The following PHOX2B variants were observed in gnomAD, a reference collection of about 807,000 sequenced individuals.
PHOX2B encodes the protein paired like homeobox 2B.
A neutral mutation model predicts 15.5 loss-of-function variants in PHOX2B; 1 was observed. The ratio of observed to expected loss-of-function variants is 0.06; its 90% CI spans 0.02 to 0.31. The LOEUF (loss-of-function observed/expected upper bound fraction) is 0.31. PHOX2B is among the 10% of genes least tolerant of loss of function. The pLI is 1.00. For missense variants in PHOX2B, 314 were observed against 436.4 expected, an observed-to-expected ratio of 0.72 and a Z score of 2.50; for synonymous variants, 206 against 190.5, an observed-to-expected ratio of 1.08 and a Z score of -0.67.
intron 1 of PHOX2B, 43 bp from the exon 2 acceptor site, chr4:41,747,579 G>A (rs770997568): frequency 1.9e-6 from 3 of 1,541,468 alleles, no homozygotes; most frequent in South Asian, 2.2e-5. Context: ...AAATCAGCCG[G>A]CAGCTCGCCG....
In PHOX2B at chr4:41,745,695, G is replaced by T. The variant is rs1458350810; in HGVS notation, c.*112C>A. ...ATTACTTTAGGCCCTCAATGAAAAA[G>T]CCATGGCAGCAGCGACGACAATAGC... is the stretch of plus-strand genomic sequence containing the variant. On this transcript the variant is annotated 3_prime_UTR_variant, in exon 3 of 3. Transcript: ENST00000226382. The surrounding 1 kb of genome is among the most constrained non-coding windows in gnomAD (Gnocchi z 4.0). 1.5e-6 allele frequency: 2 copies of T among 1,370,420 alleles called. No homozygotes were observed. The highest frequency in any genetic ancestry group is 1.5e-5 in the African/African-American group (1 of 67,944). The allele number at this position is 1,370,420 out of a possible 1,614,324, so 84.9% of individuals were successfully genotyped here. A position where few individuals can be genotyped will look rare whatever the true frequency, so the allele number is the denominator to read the frequency against.
Position 41,745,330 on chromosome 4 carries a change from A to T in PHOX2B, c.*477T>A, listed in dbSNP as rs1486630973. The T allele has an allele frequency of 4.3e-6, 1 of 233,518 alleles. No homozygotes were observed. Among genetic ancestry groups the T allele is most frequent in the African/African-American group, 2.2e-5 (1 of 45,094 alleles). 14.5% of individuals were successfully genotyped at this position (233,518 alleles called of 1,614,324 possible). A position where few individuals can be genotyped will look rare whatever the true frequency, so the allele number is the denominator to read the frequency against. On this transcript the variant is annotated 3_prime_UTR_variant, in exon 3 of 3. Transcript: ENST00000226382. The surrounding 1 kb of genome is among the most constrained non-coding windows in gnomAD (Gnocchi z 4.0). ...GTTTTTTAATGGTTTCTGCCTTCCA[A>T]CTTTTTTGTTTTTATTTTTACTTTT...
chr4:41,746,464 C>T, intron 2 of PHOX2B, 142 bp from the exon 3 acceptor site: 1 of 779,746 alleles, frequency 1.3e-6, no homozygotes, highest in Non-Finnish European at 2.1e-6. Context: ...CACCCCCGCG[C>T]GCACATCCAC....
chr4:41,744,969 T>G lies in PHOX2B; in HGVS notation c.*838A>C, dbSNP rs367652707. 2 of 233,082 alleles carry G rather than the reference T, an allele frequency of 8.6e-6. No individual in the cohort carries two copies. Among genetic ancestry groups the G allele is most frequent in the Non-Finnish European group, 1.7e-5 (2 of 118,088 alleles). The allele number at this position is 233,082 out of a possible 1,614,324, so 14.4% of individuals were successfully genotyped here. A position where few individuals can be genotyped will look rare whatever the true frequency, so the allele number is the denominator to read the frequency against. ...GATTCGGGGTTGGGAGTTGCAACTG[T>G]GTGGGGTTCCGATGCGCTAATGGCG... On this transcript the variant is annotated 3_prime_UTR_variant, in exon 3 of 3. Coordinates refer to ENST00000226382, the MANE Select transcript of PHOX2B (RefSeq NM_003924.4).
chr4:41,747,796 A>T, intron 1 of PHOX2B: 1 of 664,872 alleles, frequency 1.5e-6, no homozygotes, highest in Non-Finnish European at 2.8e-6. Flanking sequence ...GATGTGACGG[A>T]CTTGAGATAG....
Position 41,744,903 on chromosome 4 carries a change from T to A in PHOX2B, c.*904A>T, listed in dbSNP as rs1733834927. 1 of 233,302 alleles carries A rather than the reference T, an allele frequency of 4.3e-6. No individual in the cohort carries two copies. The highest frequency in any genetic ancestry group is 8.5e-6 in the Non-Finnish European group (1 of 118,048). 14.5% of individuals were successfully genotyped at this position (233,302 alleles called of 1,614,324 possible). A position where few individuals can be genotyped will look rare whatever the true frequency, so the allele number is the denominator to read the frequency against. On this transcript the variant is annotated 3_prime_UTR_variant, in exon 3 of 3. Coordinates refer to ENST00000226382, the MANE Select transcript of PHOX2B (RefSeq NM_003924.4). ...TGCAGAGTTTGCAGATGAAAAGGCA[T>A]CTCATGGATAGGGCATCTTTCAGGG...
Position 41,744,997 on chromosome 4 carries a change from A to T in PHOX2B, c.*810T>A, listed in dbSNP as rs1291150588. ...GGGGTTCCGATGCGCTAATGGCGGG[A>T]TGGTGTTCAGCGAGGTGGGACAGGC... On this transcript the variant is annotated 3_prime_UTR_variant, in exon 3 of 3. Transcript: ENST00000226382. The T allele has an allele frequency of 4.3e-6, 1 of 232,886 alleles. No individual in the cohort carries two copies. The highest frequency in any genetic ancestry group is 5.6e-5 in the Admixed American group (1 of 17,766). The allele number at this position is 232,886 out of a possible 1,614,324, so 14.4% of individuals were successfully genotyped here.
rs770841700 is a variant in PHOX2B at position 41,745,788 on chromosome 4, G to T, written c.*19C>A. The T allele has an allele frequency of 1.5e-4, 241 of 1,597,770 alleles. No homozygotes were observed. The highest frequency in any genetic ancestry group is 3.4e-4 in the Middle Eastern group (2 of 5,900). ...CTCGCCCGCTGTCGCCGCCGCCGCC[G>T]CCGCCGCAGGATTCCAGATCAGAAC... is the stretch of plus-strand genomic sequence containing the variant. On this transcript the variant is annotated 3_prime_UTR_variant, in exon 3 of 3. Coordinates refer to ENST00000226382, the MANE Select transcript of PHOX2B (RefSeq NM_003924.4). The surrounding 1 kb of genome is among the most constrained non-coding windows in gnomAD (Gnocchi z 4.0).
rs994949118 is a variant in PHOX2B, at chr4:41,745,593, T to C, written c.*214A>G. On this transcript the variant is annotated 3_prime_UTR_variant, in exon 3 of 3. Coordinates refer to ENST00000226382, the MANE Select transcript of PHOX2B (RefSeq NM_003924.4). This position sits in a 1 kb window ranked among gnomAD's most constrained non-coding sequence, Gnocchi z 4.0. ...GCGAAGCCAGGGAAGTTTGTTTGTTTTGTTTGGGGGTTGAGGAAGGGGGTA... is the reference window on the plus strand; with the variant it reads ...GCGAAGCCAGGGAAGTTTGTTTGTTCTGTTTGGGGGTTGAGGAAGGGGGTA... 455 of 539,690 alleles carry C rather than the reference T, an allele frequency of 8.4e-4. 4 individuals are homozygous for C. Among genetic ancestry groups the C allele is most frequent in the Non-Finnish European group, 2.1e-4 (67 of 321,748 alleles). 33.4% of individuals were successfully genotyped at this position (539,690 alleles called of 1,614,324 possible).
rs763708823 is a variant in PHOX2B at position 41,745,518 on chromosome 4, C to A, written c.*289G>T. On this transcript the variant is annotated 3_prime_UTR_variant, in exon 3 of 3. Transcript: ENST00000226382. This position sits in a 1 kb window ranked among gnomAD's most constrained non-coding sequence, Gnocchi z 4.0. ...GCGTCCAGGCCGCGCTGCTCACAACCCCCGATCAGCAGGCGGAGCCCTGGC... is the reference window on the plus strand; with the variant it reads ...GCGTCCAGGCCGCGCTGCTCACAACACCCGATCAGCAGGCGGAGCCCTGGC... 2.8e-4 allele frequency: 113 copies of A among 402,452 alleles called. No homozygotes were observed. Among genetic ancestry groups the A allele is most frequent in the Non-Finnish European group, 4.1e-4 (91 of 221,078 alleles). 24.9% of individuals were successfully genotyped at this position (402,452 alleles called of 1,614,324 possible).
At chr4:41,746,524 G>A (rs972692128) in intron 2 of PHOX2B, among the ~76,000 whole-genome samples, 17 of 152,064 alleles carry the variant, frequency 1.1e-4, no homozygotes, top group Non-Finnish European at 1.0e-4. Context: ...ACTTTCTTAG[G>A]GGGAGTGAGC....
rs551983206 is a variant in PHOX2B, at chr4:41,747,534, G to A, written c.244C>T (p.Pro82Ser). 6.2e-7 allele frequency: 1 copy of A among 1,606,142 alleles called. No individual in the cohort carries two copies. The highest frequency in any genetic ancestry group is 1.3e-5 in the African/African-American group (1 of 75,034). The change falls in exon 2 of 3, where the codon CCT becomes TCT. Residue 82 changes from proline (P) to serine (S), a missense_variant and splice_region_variant. By Grantham distance (74) the Pro-to-Ser change is moderately conservative. Transcript: ENST00000226382. ...CCGTGGTCCGTGAAGAGTTTGTAAG[G>A]AACTAGAGTATGACAGAGGAGACAG... ...DHQSSPYAAVPYKLFTDHGGL... is the reference protein window; with the variant it reads ...DHQSSPYAAVSYKLFTDHGGL...
chr4:41,746,419 C>T, intron 2 of PHOX2B, 97 bp from the exon 3 acceptor site: 1 of 1,189,064 alleles, frequency 8.4e-7, no homozygotes, highest in African/African-American at 1.5e-5. Context: ...TCTACTTCGG[C>T]TTGTTTTAAC....
Position 41,744,543 on chromosome 4 carries a change from C to T in PHOX2B, c.*1264G>A, listed in dbSNP as rs1733824569. 1 of 233,124 alleles carries T rather than the reference C, an allele frequency of 4.3e-6. No individual in the cohort carries two copies. The highest frequency in any genetic ancestry group is 8.5e-6 in the Non-Finnish European group (1 of 117,766). The allele number at this position is 233,124 out of a possible 1,614,324, so 14.4% of individuals were successfully genotyped here. ...ATTCAACTAATATCTAGAGTTTGTG[C>T]CTTTTAAAATAAAAACAACAACAAA... On this transcript the variant is annotated 3_prime_UTR_variant, in exon 3 of 3. Coordinates refer to ENST00000226382, the MANE Select transcript of PHOX2B (RefSeq NM_003924.4).
chr4:41,747,442 C>A lies in PHOX2B; in HGVS notation c.336G>T (p.Glu112Asp). Residue 112 changes from glutamate to aspartate, a missense_variant, in exon 2 of 3, where the codon GAG (glutamate) becomes GAT (aspartate). Physicochemically the swap from Glu to Asp is conservative, Grantham distance 45. This residue lies in a region of PHOX2B where 102 missense variants were observed against 155.1 expected (regional missense o/e 0.66). Coordinates refer to ENST00000226382, the MANE Select transcript of PHOX2B (RefSeq NM_003924.4). ...RTTFTSAQLKELERVFAETHY... is the reference protein window; with the variant it reads ...RTTFTSAQLKDLERVFAETHY... ...GAGTCTCCGCGAAGACCCTTTCCAG[C>A]TCTTTGAGCTGGGCACTGGTGAAAG... The A allele has an allele frequency of 6.2e-7, 1 of 1,611,528 alleles. No homozygotes were observed. The highest frequency in any genetic ancestry group is 8.5e-7 in the Non-Finnish European group (1 of 1,179,862).
chr4:41,745,184 G>A lies in PHOX2B; in HGVS notation c.*623C>T, dbSNP rs932600833. 3 of 233,066 alleles carry A rather than the reference G, an allele frequency of 1.3e-5. No individual in the cohort carries two copies. Among genetic ancestry groups the A allele is most frequent in the South Asian group, 1.8e-4 (1 of 5,530 alleles). 14.4% of individuals were successfully genotyped at this position (233,066 alleles called of 1,614,324 possible). A position where few individuals can be genotyped will look rare whatever the true frequency, so the allele number is the denominator to read the frequency against. ...AGAATCCGTGCTGTTAGGAGGGAGC[G>A]GATTTAGGGGTTCACAAGATCGAGC... On this transcript the variant is annotated 3_prime_UTR_variant, in exon 3 of 3. Coordinates refer to ENST00000226382, the MANE Select transcript of PHOX2B (RefSeq NM_003924.4). This position sits in a 1 kb window ranked among gnomAD's most constrained non-coding sequence, Gnocchi z 4.0.
chr4:41,744,829 A>C lies in PHOX2B; in HGVS notation c.*978T>G, dbSNP rs1733831050. 2.1e-5 allele frequency: 5 copies of C among 233,806 alleles called. No homozygotes were observed. The East Asian group carries it at 3.0e-4, about 14-fold the overall frequency. The allele number at this position is 233,806 out of a possible 1,614,324, so 14.5% of individuals were successfully genotyped here. ...TGGAAGAAGAAAATGCCGACGGGGT[A>C]GGCGGGAGCGAGGGGGAAAAAAAGA... is the stretch of plus-strand genomic sequence containing the variant. On this transcript the variant is annotated 3_prime_UTR_variant, in exon 3 of 3. Transcript: ENST00000226382.
chr4:41,747,925 A>G (rs1167797178), intron 1 of PHOX2B, among the ~76,000 whole-genome samples: 1 of 152,024 alleles, frequency 6.6e-6, no homozygotes, highest in Non-Finnish European at 1.5e-5. Context: ...AATTCTCAGA[A>G]AGTTGACCCG....
chr4:41,747,381 G>C lies in PHOX2B; in HGVS notation c.397C>G (p.Leu133Val). Residue 133 changes from leucine to valine, a missense_variant, in exon 2 of 3, where the codon CTG (leucine) becomes GTG (valine). Physicochemically the swap from Leu to Val is conservative, Grantham distance 32 (BLOSUM62 1). Transcript: ENST00000226382. ...PDIYTREELA[L>V]KIDLTEARVQ... ...CGCGCCTCTGTGAGGTCGATCTTCA[G>C]GGCCAGCTCCTCCCGAGTGTAGATG... 1.2e-6 allele frequency: 2 copies of C among 1,609,290 alleles called. No homozygotes were observed. Among genetic ancestry groups the C allele is most frequent in the South Asian group, 2.2e-5 (2 of 91,066 alleles).
Sources: gnomAD v4.1 joint callset for allele counts (sites outside exome capture counted in the v4.1 genomes callset) on GRCh38, gnomAD v4.1.1 for gene constraint, gnomAD v4.1.1 regional missense constraint, Gnocchi (gnomAD v3.1) non-coding constraint, MANE v1.5 for transcripts, NCBI Gene and HGNC (gene_info 2026-07-23, HGNC 2026-07-21) for gene names.